Variants in ABL1 observed in about 807,000 individuals in gnomAD.
ABL1 encodes tyrosine-protein kinase ABL1.
In ABL1, 11 loss-of-function variants were observed where a neutral mutation model predicts 94.7. The ratio of observed to expected loss-of-function variants is 0.12; its 90% CI spans 0.07 to 0.19. The LOEUF (loss-of-function observed/expected upper bound fraction) is 0.19. Among genes scored for constraint, ABL1 ranks in the 10% least tolerant of loss-of-function variants. ABL1 has a pLI of 1.00. For missense variants in ABL1, 1,082 were observed against 1,489.4 expected (o/e 0.73, Z 4.50); for synonymous variants, 656 against 622.4 (o/e 1.05, Z -0.80).
At chr9:130,782,029 A>T (rs1829762831) in intron 1 of ABL1, among the ~76,000 whole-genome samples, 2 of 152,036 alleles carry the variant, frequency 1.3e-5, no homozygotes, top group Middle Eastern at 3.4e-3. Flanking sequence ...ACTTTTCCTT[A>T]TTGTGGAGCA....
rs1588243744 is a variant in ABL1 at position 130,800,994 on chromosome 9, G to T, written c.137-53070G>T. Among the ~76,000 whole-genome samples the T allele has an allele frequency of 2.0e-5, 3 of 147,914 alleles. No homozygotes were observed. The Admixed American group carries it at 2.0e-4, about 10-fold the overall frequency. On this transcript the variant is annotated intron_variant, in intron 1 of 10. Coordinates refer to the ABL1 transcript ENST00000372348. ...CGCCCAGGCTGGAGTGCAGAGGCAC[G>T]ATCTCGGCTCACTGCAACCTCTGCC...
intron 1 of ABL1, among the ~76,000 whole-genome samples, chr9:130,827,506 T>G (rs1276000306): frequency 6.6e-6 from 1 of 152,224 alleles, no homozygotes; most frequent in East Asian, 1.9e-4. Flanking sequence ...GGAAGGTCTC[T>G]AACCTGATAT....
At chr9:130,759,176 A>G (rs1452069591) in intron 1 of ABL1, among the ~76,000 whole-genome samples, 2 of 152,222 alleles carry the variant, frequency 1.3e-5, no homozygotes, top group East Asian at 3.9e-4. Flanking sequence ...TTAACTTCCC[A>G]ATTTGCTTCA....
Position 130,874,222 on chromosome 9 carries a change from T to G in ABL1, c.1086-646T>G, listed in dbSNP as rs529890073. Among the ~76,000 whole-genome samples, 86 of 152,272 alleles carry G rather than the reference T, an allele frequency of 5.6e-4. 1 individual carries two copies. The highest frequency in any genetic ancestry group is 3.8e-4 in the Non-Finnish European group (26 of 68,022). Reference sequence around the variant, plus strand: ...TGGTTAATGTTCATGAACCAAAGATTAGACTCCTACCTCCCTGGGAGAATC... The same window carrying G: ...TGGTTAATGTTCATGAACCAAAGATGAGACTCCTACCTCCCTGGGAGAATC... On this transcript the variant is annotated intron_variant, in intron 6 of 10. Transcript: ENST00000318560.
intron 1 of ABL1, among the ~76,000 whole-genome samples, chr9:130,778,951 T>A (rs184637963): frequency 6.6e-6 from 1 of 152,268 alleles, no homozygotes; most frequent in Admixed American, 6.5e-5. Flanking sequence ...TGTTTAAAAG[T>A]CCCTTGTATT....
In ABL1 at chr9:130,885,691, C is replaced by G. The variant is rs1831567572; in HGVS notation, c.*8C>G. On this transcript the variant is annotated 3_prime_UTR_variant, in exon 11 of 11. Coordinates refer to ENST00000318560, the MANE Select transcript of ABL1 (RefSeq NM_005157.6). The stretch of plus-strand genomic sequence containing the variant: ...GACATAGTGCAGAGGTAGCAGCAGT[C>G]AGGGGTCAGGTGTCAGGCCCGTCGG... The G allele has an allele frequency of 1.2e-6, 2 of 1,603,838 alleles. No homozygotes were observed. The highest frequency in any genetic ancestry group is 1.7e-6 in the Non-Finnish European group (2 of 1,174,362).
At chr9:130,841,976 G>T (rs186000922) in intron 1 of ABL1, among the ~76,000 whole-genome samples, 1 of 151,152 alleles carries the variant, frequency 6.6e-6, no homozygotes, top group East Asian at 1.9e-4. Flanking sequence ...AGACATAAGG[G>T]GGAAATCTAT....
intron 1 of ABL1, among the ~76,000 whole-genome samples, chr9:130,792,349 G>T (rs987086566): frequency 2.6e-5 from 4 of 152,274 alleles, no homozygotes; most frequent in South Asian, 2.1e-4. Context: ...ATGGTAGCTC[G>T]CATGGTAACA....
At chr9:130,801,101 T>G (rs553960225) in intron 1 of ABL1, among the ~76,000 whole-genome samples, 2 of 152,160 alleles carry the variant, frequency 1.3e-5, no homozygotes, top group South Asian at 4.2e-4. Flanking sequence ...AGCTAATTTT[T>G]GTATTTTTAG....
rs929610301 is a variant in ABL1 at position 130,872,794 on chromosome 9, T to C, written c.908-66T>C. 1.3e-6 allele frequency: 2 copies of C among 1,510,510 alleles called. No individual in the cohort carries two copies. The highest frequency in any genetic ancestry group is 2.8e-5 in the African/African-American group (2 of 71,974). The allele number at this position is 1,510,510 out of a possible 1,614,324, so 93.6% of individuals were successfully genotyped here. Reference sequence around the variant, plus strand: ...CAGAATCCTTCAGAAGGCTTTTTCTTTAGACAGTTGTTTGTTCAGTTGGGA... The same window carrying C: ...CAGAATCCTTCAGAAGGCTTTTTCTCTAGACAGTTGTTTGTTCAGTTGGGA... On this transcript the variant is annotated intron_variant, in intron 5 of 10. Coordinates refer to ENST00000318560, the MANE Select transcript of ABL1 (RefSeq NM_005157.6). This position sits in a 1 kb window ranked among gnomAD's most constrained non-coding sequence, Gnocchi z 5.0.
chr9:130,735,068 TG>T lies in ABL1; in HGVS notation c.136+20614del, dbSNP rs1831717295. ...TTTTTGAGATACAACCTTGCTCTGT[TG>T]CCCAGGCTGGAGTGCAATGGCATGA... is the stretch of plus-strand genomic sequence containing the variant. On this transcript the variant is annotated intron_variant, in intron 1 of 10. Coordinates refer to the ABL1 transcript ENST00000372348. Among the ~76,000 whole-genome samples the T allele has an allele frequency of 3.3e-5, 5 of 151,734 alleles. No individual in the cohort carries two copies. In the South Asian group the frequency reaches 1.0e-3, roughly 32 times the overall value.
At position 130,884,371 on chromosome 9, in the gene ABL1, C is replaced by A. The variant is rs1307730338; in HGVS notation, c.2081C>A (p.Thr694Asn). 1 of 1,611,804 alleles carries A rather than the reference C, an allele frequency of 6.2e-7. No homozygotes were observed. The highest frequency in any genetic ancestry group is 1.7e-5 in the Admixed American group (1 of 59,954). ...PHLWKKSSTLTSSRLATGEEE... is the reference protein window; with the variant it reads ...PHLWKKSSTLNSSRLATGEEE... ...CTGTGGAAGAAGTCCAGCACGCTGA[C>A]CAGCAGCCGCCTAGCCACCGGCGAG... The change falls in exon 11 of 11, where the codon ACC (threonine) becomes AAC (asparagine). Residue 694 changes from threonine to asparagine, a missense_variant. By Grantham distance (65) the Thr-to-Asn change is moderately conservative (BLOSUM62 0). This residue lies in a region of ABL1 where 780 missense variants were observed against 835.8 expected (regional missense o/e 0.93). Transcript: ENST00000318560. This position sits in a 1 kb window ranked among gnomAD's most constrained non-coding sequence, Gnocchi z 5.6.
At chr9:130,808,599 A>G (rs896196735) in intron 1 of ABL1, among the ~76,000 whole-genome samples, 1 of 152,172 alleles carries the variant, frequency 6.6e-6, no homozygotes, top group Admixed American at 6.6e-5. Flanking sequence ...AGGTGGGTAG[A>G]TAGATAGGGC....
At chr9:130,722,021 A>T (rs1831521298) in intron 1 of ABL1, among the ~76,000 whole-genome samples, 1 of 151,462 alleles carries the variant, frequency 6.6e-6, no homozygotes, top group South Asian at 2.1e-4. Context: ...TGACCTCATG[A>T]TCTACCTGGC....
chr9:130,717,625 T>G (rs1284270801), intron 1 of ABL1, among the ~76,000 whole-genome samples: 1 of 150,976 alleles, frequency 6.6e-6, no homozygotes, highest in Non-Finnish European at 1.5e-5. Flanking sequence ...GCATTCCAAT[T>G]TGGGCAATAG....
chr9:130,825,222 C>G (rs1830409715), intron 1 of ABL1, among the ~76,000 whole-genome samples: 1 of 152,110 alleles, frequency 6.6e-6, no homozygotes, highest in Non-Finnish European at 1.5e-5. Context: ...CCTCCTAATC[C>G]CTGCTGGGTT....
At chr9:130,835,117 GCGGTGGCTTTGGGCCGGGCT>G, upstream of ABL1, 1 of 253,308 alleles carries the variant, frequency 3.9e-6, no homozygotes, top group African/African-American at 2.4e-5. This position sits in a 1 kb window ranked among gnomAD's most constrained non-coding sequence, Gnocchi z 4.6. Context: ...TTGGAAAGCG[GCGGTGGCTTTGGGCCGGGCT>G]CGGCCTCGGG....
At chr9:130,758,771 T>C (rs1237190152) in intron 1 of ABL1, among the ~76,000 whole-genome samples, 1 of 152,208 alleles carries the variant, frequency 6.6e-6, no homozygotes, top group Non-Finnish European at 1.5e-5. Flanking sequence ...TTGTGAGATG[T>C]GCAGTTGGGT....
At chr9:130,806,977 C>T (rs1830134174) in intron 1 of ABL1, among the ~76,000 whole-genome samples, 1 of 151,968 alleles carries the variant, frequency 6.6e-6, no homozygotes, top group Middle Eastern at 3.2e-3. Flanking sequence ...GGTGAAACCC[C>T]ATCTCTACTA....
Sources: gnomAD v4.1 joint callset for allele counts (sites outside exome capture counted in the v4.1 genomes callset) on GRCh38, gnomAD v4.1.1 for gene constraint, gnomAD v4.1.1 regional missense constraint, Gnocchi (gnomAD v3.1) non-coding constraint, MANE v1.5 for transcripts, NCBI Gene and HGNC (gene_info 2026-07-23, HGNC 2026-07-21) for gene names.